AHNAK: variants seen among roughly 807,000 people sequenced by gnomAD.
AHNAK encodes the protein AHNAK nucleoprotein.
AHNAK carries 23 observed loss-of-function variants against 37.8 expected under a neutral mutation model. That is an observed-to-expected ratio of 0.61 (90% CI 0.44 to 0.86). AHNAK has a LOEUF of 0.86. AHNAK is among the 40% of genes least tolerant of loss of function. The probability of loss-of-function intolerance (pLI) is 0.00; values close to 1 mark genes in which losing one functional copy is unlikely to be tolerated. For synonymous variants in AHNAK, 2,481 were observed against 2,636.3 expected (o/e 0.94, Z 1.80); for missense variants, 7,411 against 7,319.4 (o/e 1.01, Z -0.46).
chr11:62,466,680 G>C (rs1473266934), intron 5 of AHNAK, among the ~76,000 whole-genome samples: 1 of 152,024 alleles, frequency 6.6e-6, no homozygotes, highest in Non-Finnish European at 1.5e-5. Flanking sequence ...ATCGCATCTT[G>C]CCTCACTAGT....
At chr11:62,447,048 G>A (rs981937464) in intron 5 of AHNAK, among the ~76,000 whole-genome samples, 2 of 151,874 alleles carry the variant, frequency 1.3e-5, no homozygotes, top group Non-Finnish European at 2.9e-5. Flanking sequence ...AAGCCCAGCC[G>A]TTCTATGGAA....
chr11:62,504,702 T>C (rs1379192193), intron 4 of AHNAK, among the ~76,000 whole-genome samples: 4 of 152,076 alleles, frequency 2.6e-5, no homozygotes, highest in Non-Finnish European at 5.9e-5. Flanking sequence ...CCCTTTCACC[T>C]GGCTGGGGCT....
chr11:62,494,029 G>C (rs938301476), intron 4 of AHNAK, among the ~76,000 whole-genome samples: 1 of 152,012 alleles, frequency 6.6e-6, no homozygotes, highest in African/African-American at 2.4e-5. Context: ...AATGAGTGGT[G>C]AATAAATGAA....
At chr11:62,458,611 T>A (rs111588457) in intron 5 of AHNAK, among the ~76,000 whole-genome samples, 1,608 of 152,322 alleles carry the variant, frequency 0.011, 12 homozygotes, top group South Asian at 0.022. Flanking sequence ...GTACTCATTA[T>A]AGCTTTCATT....
chr11:62,532,876 A>G lies in AHNAK; in HGVS notation c.1541T>C (p.Leu514Pro). The change falls in exon 5 of 5, where the codon CTG becomes CCG. Residue 514 changes from leucine to proline, a missense_variant. By Grantham distance (98) the Leu-to-Pro change is moderately conservative. Coordinates refer to ENST00000378024, the MANE Select transcript of AHNAK (RefSeq NM_001620.3). ...AGCAGAAACCTTAATATCTCCTTTC[A>G]GTTTAGGAGACCCAAGGCTCAGATC... ...DVDLSLGSPKLKGDIKVSAPG... is the reference protein window; with the variant it reads ...DVDLSLGSPKPKGDIKVSAPG... 1 of 1,614,068 alleles carries G rather than the reference A, an allele frequency of 6.2e-7. No homozygotes were observed. The highest frequency in any genetic ancestry group is 8.5e-7 in the Non-Finnish European group (1 of 1,180,022).
intron 5 of AHNAK, among the ~76,000 whole-genome samples, chr11:62,461,824 CA>C (rs34702871): frequency 0.38 from 34,085 of 89,908 alleles, 4,556 homozygotes; most frequent in Middle Eastern, 0.47. Context: ...AACGACATCT[CA>C]AAAAAAAAAA....
chr11:62,440,818 C>T lies in AHNAK; in HGVS notation c.443-6927G>A, dbSNP rs190359448. ...AATCTCCCAAGTTATAGTGGGGGTT[C>T]ACATCTGCTAAGTGCTTACTATGTG... On this transcript the variant is annotated intron_variant, in intron 5 of 5. Transcript: ENST00000257247. 6.0e-3 allele frequency among the ~76,000 whole-genome samples: 907 copies of T among 151,982 alleles called. 9 individuals are homozygous for T. Among genetic ancestry groups the T allele is most frequent in the Non-Finnish European group, 9.7e-3 (658 of 68,002 alleles).
intron 5 of AHNAK, among the ~76,000 whole-genome samples, chr11:62,460,100 A>C (rs1255020117): frequency 6.6e-6 from 1 of 151,302 alleles, no homozygotes; most frequent in Non-Finnish European, 1.5e-5. Context: ...CCTGGGCAAC[A>C]AGAGCAAAAC....
chr11:62,486,835 T>C (rs1261281811), intron 5 of AHNAK, among the ~76,000 whole-genome samples: 1 of 152,010 alleles, frequency 6.6e-6, no homozygotes, highest in Non-Finnish European at 1.5e-5. Context: ...TTTAGAGGTT[T>C]ATAAACACAA....
chr11:62,495,394 C>T (rs1939587810), intron 4 of AHNAK, among the ~76,000 whole-genome samples: 1 of 152,136 alleles, frequency 6.6e-6, no homozygotes, highest in South Asian at 2.1e-4. Flanking sequence ...GATTACCTCA[C>T]AGTGTCCTGT....
At chr11:62,544,603 C>T (rs982925119) in intron 1 of AHNAK, among the ~76,000 whole-genome samples, 3 of 152,116 alleles carry the variant, frequency 2.0e-5, no homozygotes, top group Admixed American at 6.5e-5. Flanking sequence ...CAGCTCAGAG[C>T]AAAGAGGTGC....
In AHNAK at chr11:62,532,365, A is replaced by G. The variant is rs775913295; in HGVS notation, c.2052T>C (p.Asp684=). 5.0e-6 allele frequency: 8 copies of G among 1,614,122 alleles called. No homozygotes were observed. In the South Asian group the frequency reaches 8.8e-5, roughly 18 times the overall value. Residue 684 remains aspartate, a synonymous_variant, in exon 5 of 5, where the codon GAT becomes GAC. Coordinates refer to ENST00000378024, the MANE Select transcript of AHNAK (RefSeq NM_001620.3). ...EGLGGKLKGP[D]VKLPDMSVKT... is the part of the protein sequence containing the mutation. The stretch of plus-strand genomic sequence containing the variant: ...TGACACTCATATCAGGCAGCTTAAC[A>G]TCGGGGCCTTTAAGTTTTCCCCCCA...
rs756351286 is a variant in AHNAK at position 62,519,588 on chromosome 11, G to T, written c.14829C>A (p.Asp4943Glu). Residue 4943 changes from aspartate to glutamate, a missense_variant, in exon 5 of 5, where the codon GAC (aspartate) becomes GAA (glutamate). Asp to Glu is a conservative substitution (Grantham distance 45, BLOSUM62 2). Coordinates refer to ENST00000378024, the MANE Select transcript of AHNAK (RefSeq NM_001620.3). Reference sequence around the variant, plus strand: ...GAGCTTCAACTTTGGGTCCCTTGAGGTCCACTTCACCACCTTCTAACTTCG... The same window carrying T: ...GAGCTTCAACTTTGGGTCCCTTGAGTTCCACTTCACCACCTTCTAACTTCG... ...SGPKLEGGEV[D>E]LKGPKVEAPS... 3.1e-5 allele frequency: 50 copies of T among 1,612,898 alleles called. No individual in the cohort carries two copies. The highest frequency in any genetic ancestry group is 4.1e-5 in the Non-Finnish European group (48 of 1,179,616).
Position 62,518,808 on chromosome 11 carries a change from C to CA in AHNAK, c.15608dup (p.Leu5203PhefsTer9). 6.2e-7 allele frequency: 1 copy of CA among 1,614,216 alleles called. No individual in the cohort carries two copies. The highest frequency in any genetic ancestry group is 8.5e-7 in the Non-Finnish European group (1 of 1,180,040). ...CATCACCCTTTATCTTTGGTCCTTT[C>CA]AAGTTTACATTCACATCAGGGATGG... On this transcript the variant is annotated frameshift_variant, in exon 5 of 5. Coordinates refer to ENST00000378024, the MANE Select transcript of AHNAK (RefSeq NM_001620.3). LOFTEE classifies it low-confidence loss of function (END_TRUNC).
chr11:62,439,672 T>TA (rs1938261827), intron 5 of AHNAK, among the ~76,000 whole-genome samples: 2 of 146,534 alleles, frequency 1.4e-5, no homozygotes, highest in Non-Finnish European at 3.0e-5. Context: ...GTGATTTTTT[T>TA]TTTTTTTTTT....
chr11:62,454,397 A>G (rs1938608737), intron 5 of AHNAK, among the ~76,000 whole-genome samples: 1 of 145,052 alleles, frequency 6.9e-6, no homozygotes, highest in African/African-American at 2.6e-5. Context: ...TGGGCGACAG[A>G]GCGAGACTCC....
In AHNAK at chr11:62,524,449, T is replaced by C. The variant is rs188347473; in HGVS notation, c.9968A>G (p.Lys3323Arg). The C allele has an allele frequency of 2.6e-5, 42 of 1,613,940 alleles. No individual in the cohort carries two copies. The highest frequency in any genetic ancestry group is 3.3e-5 in the Non-Finnish European group (39 of 1,179,962). The change falls in exon 5 of 5, where the codon AAA becomes AGA. Residue 3323 changes from lysine (K) to arginine (R), a missense_variant. By Grantham distance (26) the Lys-to-Arg change is conservative (BLOSUM62 2). Transcript: ENST00000378024. The part of the protein sequence containing the change: ...VSGPKLEGDI[K>R]APSLDIKGPE... ...GCCCTTTATATCCAAACTGGGAGCTTTAATGTCACCTTCCAACTTGGGCCC... is the reference window on the plus strand; with the variant it reads ...GCCCTTTATATCCAAACTGGGAGCTCTAATGTCACCTTCCAACTTGGGCCC...
Position 62,525,612 on chromosome 11 carries a change from A to G in AHNAK, c.8805T>C (p.Pro2935=), listed in dbSNP as rs565370953. 1 of 1,610,236 alleles carries G rather than the reference A, an allele frequency of 6.2e-7. No individual in the cohort carries two copies. The highest frequency in any genetic ancestry group is 2.2e-5 in the East Asian group (1 of 44,632). Residue 2935 remains proline (P), a synonymous_variant, in exon 5 of 5, where the codon CCT becomes CCC. Coordinates refer to ENST00000378024, the MANE Select transcript of AHNAK (RefSeq NM_001620.3). ...CCTCTGGTCCTTCAATGTTAACATC[A>G]GGGCCTTCAACGTCCACTTTGGGGC... ...VSGPKVDVEG[P]DVNIEGPEGK...
At chr11:62,540,589 C>G (rs1941089450) in intron 1 of AHNAK, among the ~76,000 whole-genome samples, 1 of 152,186 alleles carries the variant, frequency 6.6e-6, no homozygotes. Flanking sequence ...ACACACTGAT[C>G]GCTTGAACCC....
Sources: allele counts gnomAD v4.1 joint callset (sites outside exome capture counted in the v4.1 genomes callset), GRCh38; gene constraint gnomAD v4.1.1; transcripts MANE v1.5; gene names NCBI Gene and HGNC (gene_info 2026-07-23, HGNC 2026-07-21).